The following MYOZ2 variants were observed in gnomAD, a reference collection of about 807,000 sequenced individuals.
MYOZ2 encodes the protein myozenin-2.
In MYOZ2, 19 loss-of-function variants were observed where a neutral mutation model predicts 25.4. The ratio of observed to expected loss-of-function variants is 0.75; its 90% CI spans 0.52 to 1.10. MYOZ2 has a LOEUF of 1.10. MYOZ2 is among the 50% of genes least tolerant of loss of function. The pLI is 0.00. For synonymous variants in MYOZ2, 92 were observed against 106.9 expected, an observed-to-expected ratio of 0.86 and a Z score of 0.86; for missense variants, 270 against 317.9, an observed-to-expected ratio of 0.85 and a Z score of 1.15.
At chr4:119,142,683 A>G (rs77571462) in intron 2 of MYOZ2, among the ~76,000 whole-genome samples, 2,662 of 152,378 alleles carry the variant, frequency 0.017, 90 homozygotes, top group African/African-American at 0.061. Context: ...CTAGAGAGCC[A>G]GACAAAGCTG....
intron 5 of MYOZ2, among the ~76,000 whole-genome samples, chr4:119,165,319 G>A (rs1196823204): frequency 1.3e-5 from 2 of 151,118 alleles, no homozygotes; most frequent in African/African-American, 4.9e-5. Flanking sequence ...AGACTACCCT[G>A]GGCAACATAG....
At chr4:119,140,778 C>T (rs1261732362) in intron 2 of MYOZ2, among the ~76,000 whole-genome samples, 1 of 152,138 alleles carries the variant, frequency 6.6e-6, no homozygotes, top group African/African-American at 2.4e-5. Flanking sequence ...TAATTCAATA[C>T]ATTGGTAATG....
At chr4:119,149,986 A>G (rs1238581557) in intron 2 of MYOZ2, among the ~76,000 whole-genome samples, 1 of 152,140 alleles carries the variant, frequency 6.6e-6, no homozygotes, top group Non-Finnish European at 1.5e-5. Flanking sequence ...TAATGGCCCA[A>G]TTTTTCTTCC....
rs1220135481 is a variant in MYOZ2, at chr4:119,173,773, G to C, written c.560+9379G>C. ...GCCCACTCCCTCACCTCAGCTTGCA[G>C]GGAGCTGTGGAGGGAGAGGCCCGAG... On this transcript the variant is annotated intron_variant, in intron 5 of 5. Coordinates refer to ENST00000307128, the MANE Select transcript of MYOZ2 (RefSeq NM_016599.5). Among the ~76,000 whole-genome samples, 3 of 152,208 alleles carry C rather than the reference G, an allele frequency of 2.0e-5. No individual in the cohort carries two copies. The East Asian group carries it at 5.8e-4, about 29-fold the overall frequency.
At chr4:119,158,221 AAGCCT>A in intron 4 of MYOZ2, 70 bp downstream of exon 4, 2 of 1,571,198 alleles carry the variant, frequency 1.3e-6, no homozygotes, top group South Asian at 2.2e-5. Context: ...AAGGCATTTA[AAGCCT>A]TTATTGAATA....
At chr4:119,151,537 G>A (rs1383238873) in intron 3 of MYOZ2, among the ~76,000 whole-genome samples, 2 of 152,114 alleles carry the variant, frequency 1.3e-5, no homozygotes, top group Non-Finnish European at 2.9e-5. Context: ...ACTCACTAAT[G>A]ACAAAAACTA....
At chr4:119,182,551 G>T (rs913523931) in intron 5 of MYOZ2, among the ~76,000 whole-genome samples, 2 of 151,912 alleles carry the variant, frequency 1.3e-5, no homozygotes, top group African/African-American at 4.8e-5. Context: ...TGTAGGGGTG[G>T]CAGGGTGGGG....
At chr4:119,159,762 C>A (rs1464647193) in intron 4 of MYOZ2, among the ~76,000 whole-genome samples, 1 of 151,944 alleles carries the variant, frequency 6.6e-6, no homozygotes, top group Non-Finnish European at 1.5e-5. Flanking sequence ...GGTACAGCAC[C>A]TGTACAACAT....
At chr4:119,160,192 TATA>T (rs1206294572) in intron 4 of MYOZ2, among the ~76,000 whole-genome samples, 2 of 152,156 alleles carry the variant, frequency 1.3e-5, no homozygotes, top group African/African-American at 2.4e-5. Context: ...GTCCCTAACA[TATA>T]ATAAGCACTC....
intron 5 of MYOZ2, among the ~76,000 whole-genome samples, chr4:119,169,386 T>C (rs547035641): frequency 1.3e-5 from 2 of 152,348 alleles, no homozygotes; most frequent in South Asian, 4.1e-4. Context: ...GCTTAAATGC[T>C]TGCTAAGTGA....
intron 5 of MYOZ2, 35 bp downstream of exon 5, chr4:119,164,429 G>A: frequency 6.2e-7 from 1 of 1,608,780 alleles, no homozygotes; most frequent in East Asian, 2.2e-5. Context: ...CTGTTGGCAT[G>A]CAATACCAAA....
In MYOZ2 at chr4:119,156,119, C is replaced by T. The variant is rs543340463; in HGVS notation, c.247-1903C>T. Among the ~76,000 whole-genome samples, 10 of 151,588 alleles carry T rather than the reference C, an allele frequency of 6.6e-5. No individual in the cohort carries two copies. The South Asian group carries it at 2.1e-3, about 32-fold the overall frequency. ...CGAATTATAGTAAATGATACGGGAG[C>T]GGCGAGAAGAAAGACAAAAAACTTT... is the stretch of plus-strand genomic sequence containing the variant. On this transcript the variant is annotated intron_variant, in intron 3 of 5. Coordinates refer to ENST00000307128, the MANE Select transcript of MYOZ2 (RefSeq NM_016599.5).
intron 3 of MYOZ2, among the ~76,000 whole-genome samples, chr4:119,155,229 C>A (rs1380187587): frequency 6.6e-6 from 1 of 152,088 alleles, no homozygotes; most frequent in East Asian, 1.9e-4. Flanking sequence ...TCCCATTAGG[C>A]CCCAACTCCA....
chr4:119,148,017 T>C (rs1741347838), intron 2 of MYOZ2, among the ~76,000 whole-genome samples: 1 of 152,166 alleles, frequency 6.6e-6, no homozygotes, highest in Non-Finnish European at 1.5e-5. Flanking sequence ...TTAGTCATTC[T>C]TTTAGGGTAG....
At chr4:119,154,977 G>C (rs1272540671) in intron 3 of MYOZ2, among the ~76,000 whole-genome samples, 1 of 151,832 alleles carries the variant, frequency 6.6e-6, no homozygotes, top group Non-Finnish European at 1.5e-5. Flanking sequence ...TTTGACTCAT[G>C]GTTCTGTGAG....
At chr4:119,170,285 T>TG (rs200148678) in intron 5 of MYOZ2, among the ~76,000 whole-genome samples, 3,686 of 67,708 alleles carry the variant, frequency 0.054, 138 homozygotes, top group African/African-American at 0.12. Context: ...TATTTGTTGT[T>TG]TTTTTTTTTT....
At chr4:119,158,969 T>A (rs1008185798) in intron 4 of MYOZ2, among the ~76,000 whole-genome samples, 7 of 152,162 alleles carry the variant, frequency 4.6e-5, no homozygotes, top group Non-Finnish European at 8.8e-5. Flanking sequence ...AACTGGATTG[T>A]TTATAACATA....
At chr4:119,171,592 A>G (rs1230915893) in intron 5 of MYOZ2, among the ~76,000 whole-genome samples, 1 of 151,636 alleles carries the variant, frequency 6.6e-6, no homozygotes, top group Non-Finnish European at 1.5e-5. Context: ...TTTTCAATTT[A>G]TTATTTTCCC....
chr4:119,172,947 C>T (rs559024906), intron 5 of MYOZ2, among the ~76,000 whole-genome samples: 36 of 152,208 alleles, frequency 2.4e-4, no homozygotes, highest in Non-Finnish European at 4.4e-4. Context: ...TGTATGACTT[C>T]GGGTATGTCA....
Sources: allele counts gnomAD v4.1 joint callset (sites outside exome capture counted in the v4.1 genomes callset), GRCh38; gene constraint gnomAD v4.1.1; transcripts MANE v1.5; gene names NCBI Gene and HGNC (gene_info 2026-07-23, HGNC 2026-07-21).